Variants in ARHGAP20 observed in about 807,000 individuals in gnomAD.
ARHGAP20 encodes rho GTPase-activating protein 20.
In ARHGAP20, 34 loss-of-function variants were observed where a neutral mutation model predicts 73.7. That is an observed-to-expected ratio of 0.46 (90% confidence interval 0.35 to 0.61). ARHGAP20 has a LOEUF of 0.61. ARHGAP20 is among the 20% of genes least tolerant of loss of function. The pLI, the probability that ARHGAP20 is intolerant of heterozygous loss-of-function variation, is 0.00. For synonymous variants in ARHGAP20, 523 were observed against 518.2 expected (o/e 1.01, Z -0.13); for missense variants, 1,314 against 1,420.9 (o/e 0.92, Z 1.21).
chr11:110,653,685 C>T (rs376507151), intron 2 of ARHGAP20, among the ~76,000 whole-genome samples: 5 of 152,126 alleles, frequency 3.3e-5, no homozygotes, highest in Non-Finnish European at 7.4e-5. Flanking sequence ...ACACCTAGAA[C>T]CAGAAATACC....
intron 9 of ARHGAP20, among the ~76,000 whole-genome samples, chr11:110,597,489 A>T (rs556380577): frequency 1.3e-5 from 2 of 151,934 alleles, no homozygotes; most frequent in South Asian, 4.2e-4. Context: ...ATTTTTATTT[A>T]TTATTATTAT....
rs1947535601 is a variant in ARHGAP20, at chr11:110,583,654, G to A, written c.1499C>T (p.Ser500Leu). ...GVLHNIEQHS[S>L]SNQMTAFNLA... ...ATTAAATGCAGTCATCTGATTGGAT[G>A]AGGAATGTTGCTCAATGTTGTGTAA... Residue 500 changes from serine (S) to leucine (L), a missense_variant, in exon 13 of 15, where the codon TCA becomes TTA. Transcript: ENST00000683387. 1.2e-6 allele frequency: 2 copies of A among 1,613,212 alleles called. No homozygotes were observed. Among genetic ancestry groups the A allele is most frequent in the African/African-American group, 1.3e-5 (1 of 75,026 alleles).
chr11:110,613,641 GA>G (rs1948419146), intron 6 of ARHGAP20, among the ~76,000 whole-genome samples: 1 of 152,006 alleles, frequency 6.6e-6, no homozygotes, highest in Non-Finnish European at 1.5e-5. Flanking sequence ...AAAGCAGACA[GA>G]AAAAAACAGT....
At position 110,606,855 on chromosome 11, in the gene ARHGAP20, T is replaced by C. The variant is rs1056689473; in HGVS notation, c.776-106A>G. ...CAATTTACTCCTGGGACTTTTGGCA[T>C]AAAGAATCCCTTTGTTTGACAGAAT... On this transcript the variant is annotated intron_variant, in intron 8 of 14. Coordinates refer to ENST00000683387, the MANE Select transcript of ARHGAP20 (RefSeq NM_001384657.1). The C allele has an allele frequency of 1.1e-5, 11 of 976,322 alleles. No individual in the cohort carries two copies. The African/African-American group carries it at 1.7e-4, about 15-fold the overall frequency. 60.5% of individuals were successfully genotyped at this position (976,322 alleles called of 1,614,324 possible).
chr11:110,665,823 A>T (rs1447791693), intron 2 of ARHGAP20, among the ~76,000 whole-genome samples: 2 of 152,194 alleles, frequency 1.3e-5, no homozygotes, highest in East Asian at 3.8e-4. Flanking sequence ...TAGGGCTGGG[A>T]AGAATTCATG....
intron 9 of ARHGAP20, among the ~76,000 whole-genome samples, chr11:110,599,092 A>T (rs1011269906): frequency 2.0e-5 from 3 of 152,174 alleles, no homozygotes; most frequent in Non-Finnish European, 1.5e-5. Flanking sequence ...CACCCAAGTC[A>T]TGGCTGCAGA....
Position 110,592,101 on chromosome 11 carries a change from C to T in ARHGAP20, c.1019G>A (p.Trp340Ter). The change falls in exon 10 of 15, where the codon TGG (tryptophan) becomes TAG (stop). Residue 340 changes from tryptophan to a stop codon, truncating the protein, a stop_gained. Transcript: ENST00000683387. LOFTEE classifies it high-confidence loss of function. ...GTCCAGGTGAGTGCTAGAACCTCGC[C>T]AGAAGGCCCAGTTTATGATAGATCT... ...RRRSIINWAF[W>*]RGSSTHLDNL... The T allele has an allele frequency of 6.2e-7, 1 of 1,614,168 alleles. No individual in the cohort carries two copies. Among genetic ancestry groups the T allele is most frequent in the Non-Finnish European group, 8.5e-7 (1 of 1,180,002 alleles).
intron 9 of ARHGAP20, among the ~76,000 whole-genome samples, chr11:110,598,889 GC>G (rs1380820603): frequency 6.6e-6 from 1 of 152,146 alleles, no homozygotes; most frequent in African/African-American, 2.4e-5. Context: ...GCAGGTGGGA[GC>G]CCTGCCCTCC....
At position 110,582,985 on chromosome 11, in the gene ARHGAP20, G is replaced by A. The variant is rs187421593; in HGVS notation, c.1606-550C>T. Among the ~76,000 whole-genome samples the A allele has an allele frequency of 5.4e-4, 83 of 152,304 alleles. 1 individual carries two copies. The highest frequency in any genetic ancestry group is 1.9e-3 in the African/African-American group (81 of 41,562). On this transcript the variant is annotated intron_variant, in intron 13 of 14. Coordinates refer to ENST00000683387, the MANE Select transcript of ARHGAP20 (RefSeq NM_001384657.1). ...AGGTAAGAGTTTACTAGGGAGCTTT[G>A]TGACTCCATTGAGAGGTACTGGAAC...
At chr11:110,631,038 T>C (rs896408449) in intron 2 of ARHGAP20, among the ~76,000 whole-genome samples, 2 of 152,210 alleles carry the variant, frequency 1.3e-5, no homozygotes, top group African/African-American at 4.8e-5. Context: ...TATTTTACTA[T>C]ACTTGCTTTA....
In ARHGAP20 at chr11:110,712,364, G is replaced by A. The variant is rs1412385080; in HGVS notation, c.-133C>T. 1.1e-5 allele frequency: 7 copies of A among 631,328 alleles called. No homozygotes were observed. The highest frequency in any genetic ancestry group is 1.6e-5 in the Non-Finnish European group (7 of 436,968). 39.1% of individuals were successfully genotyped at this position (631,328 alleles called of 1,614,324 possible). ...GCTCAGGCAGGGAGCCGAGCTCCGG[G>A]TGCTCGCCGCGCGCCTCCCGTCGGG... On this transcript the variant is annotated 5_prime_UTR_variant, in exon 1 of 15. Coordinates refer to ENST00000683387, the MANE Select transcript of ARHGAP20 (RefSeq NM_001384657.1).
At chr11:110,658,815 T>C (rs1477421067) in intron 2 of ARHGAP20, among the ~76,000 whole-genome samples, 1 of 152,130 alleles carries the variant, frequency 6.6e-6, no homozygotes, top group African/African-American at 2.4e-5. Context: ...TACCAGAGCC[T>C]GCAGTAGCTC....
intron 2 of ARHGAP20, among the ~76,000 whole-genome samples, chr11:110,661,160 T>A (rs1173910867): frequency 6.6e-6 from 1 of 152,232 alleles, no homozygotes; most frequent in Non-Finnish European, 1.5e-5. Flanking sequence ...CCTGTCTTTA[T>A]CCTATTTTCA....
At chr11:110,700,231 T>C (rs1456726186) in intron 1 of ARHGAP20, among the ~76,000 whole-genome samples, 2 of 151,904 alleles carry the variant, frequency 1.3e-5, no homozygotes, top group Non-Finnish European at 2.9e-5. Flanking sequence ...AGTCACTTTA[T>C]GAGGAAAAAA....
At chr11:110,616,059 T>C (rs963141489) in intron 4 of ARHGAP20, among the ~76,000 whole-genome samples, 1 of 152,094 alleles carries the variant, frequency 6.6e-6, no homozygotes, top group South Asian at 2.1e-4. Flanking sequence ...ATAGAAAGTA[T>C]GCTTAATATT....
intron 11 of ARHGAP20, among the ~76,000 whole-genome samples, chr11:110,586,671 C>A (rs925409023): frequency 6.6e-6 from 1 of 152,184 alleles, no homozygotes; most frequent in African/African-American, 2.4e-5. Context: ...GTCCCTTAGA[C>A]AGCTAGTTCA....
intron 2 of ARHGAP20, among the ~76,000 whole-genome samples, chr11:110,671,754 T>C (rs1301139075): frequency 2.0e-5 from 3 of 152,052 alleles, no homozygotes. Context: ...ATTAGAAAGC[T>C]AAGTAATCAA....
intron 1 of ARHGAP20, among the ~76,000 whole-genome samples, chr11:110,695,439 C>T (rs1950317394): frequency 6.6e-6 from 1 of 151,500 alleles, no homozygotes; most frequent in East Asian, 1.9e-4. Context: ...AATCATATAT[C>T]TGACAAGTGA....
At position 110,579,012 on chromosome 11, in the gene ARHGAP20, T is replaced by G; in HGVS notation, c.*358A>C. On this transcript the variant is annotated 3_prime_UTR_variant, in exon 15 of 15. Transcript: ENST00000683387. ...CCCTCTCTCCTCAGGCCCCTATTCC[T>G]CATTCCTGATATCTTGGTCTTCTCA... 1.0e-6 allele frequency: 1 copy of G among 999,232 alleles called. No homozygotes were observed. The highest frequency in any genetic ancestry group is 1.2e-6 in the Non-Finnish European group (1 of 837,358). The allele number at this position is 999,232 out of a possible 1,614,324, so 61.9% of individuals were successfully genotyped here.
Sources: allele counts gnomAD v4.1 joint callset (sites outside exome capture counted in the v4.1 genomes callset), GRCh38; gene constraint gnomAD v4.1.1; transcripts MANE v1.5; gene names NCBI Gene and HGNC (gene_info 2026-07-23, HGNC 2026-07-21).